Variants in FAM13A observed in about 807,000 individuals in gnomAD.
FAM13A encodes family with sequence similarity 13 member A.
In FAM13A, 76 loss-of-function variants were observed where a neutral mutation model predicts 129.6. The observed-to-expected ratio is 0.59, with a 90% confidence interval of 0.49 to 0.71. FAM13A has a LOEUF of 0.71. Ranked by LOEUF, FAM13A falls within the 30% of genes least tolerant of loss-of-function variation. The pLI, the probability that FAM13A is intolerant of heterozygous loss-of-function variation, is 0.00. For synonymous variants in FAM13A, 443 were observed against 449.9 expected, an observed-to-expected ratio of 0.98 and a Z score of 0.20; for missense variants, 1,108 against 1,249.3, an observed-to-expected ratio of 0.89 and a Z score of 1.70.
chr4:88,809,732 T>G (rs1361389436), intron 7 of FAM13A, among the ~76,000 whole-genome samples: 4 of 152,098 alleles, frequency 2.6e-5, no homozygotes, highest in Non-Finnish European at 5.9e-5. Context: ...CTTGAGCATT[T>G]TCAATTTATC....
intron 7 of FAM13A, among the ~76,000 whole-genome samples, chr4:88,840,230 C>T (rs1735586505): frequency 6.6e-6 from 1 of 152,090 alleles, no homozygotes; most frequent in Non-Finnish European, 1.5e-5. Flanking sequence ...AGTAGACTGA[C>T]CTTTGGATTT....
chr4:88,851,223 AAAT>A, intron 6 of FAM13A, 40 bp from the exon 7 acceptor site: 1 of 1,494,552 alleles, frequency 6.7e-7, no homozygotes, highest in South Asian at 1.4e-5. Flanking sequence ...AGAGCTAGAT[AAAT>A]GTTAAAGTCT....
At chr4:88,805,896 G>C (rs1403897224) in intron 7 of FAM13A, among the ~76,000 whole-genome samples, 1 of 151,666 alleles carries the variant, frequency 6.6e-6, no homozygotes, top group Non-Finnish European at 1.5e-5. Context: ...TTGAACTCCT[G>C]GGCTCAAGTG....
At chr4:88,949,201 T>C (rs1756501923) in intron 4 of FAM13A, among the ~76,000 whole-genome samples, 1 of 152,182 alleles carries the variant, frequency 6.6e-6, no homozygotes, top group Admixed American at 6.6e-5. Context: ...AAAAGCCTAA[T>C]AAGTAAATAA....
chr4:88,920,386 G>A (rs1233536599), intron 5 of FAM13A, among the ~76,000 whole-genome samples: 1 of 152,150 alleles, frequency 6.6e-6, no homozygotes, highest in African/African-American at 2.4e-5. Context: ...CAGCATTCGC[G>A]GTTCACGAAA....
chr4:88,767,992 G>T lies in FAM13A; in HGVS notation c.1526C>A (p.Ser509Tyr). The T allele has an allele frequency of 1.3e-6, 2 of 1,595,678 alleles. No individual in the cohort carries two copies. Among genetic ancestry groups the T allele is most frequent in the Non-Finnish European group, 1.7e-6 (2 of 1,163,590 alleles). ...ACAATTCTAAAATTACCTTTCATCA[G>T]ACATCCATTCAAAATCATCAGGTCC... ...RTGPDDFEWM[S>Y]DERKGNEKDG... Residue 509 changes from serine (S) to tyrosine (Y), a missense_variant, in exon 12 of 24, where the codon TCT (serine) becomes TAT (tyrosine). Ser to Tyr is a moderately radical substitution (Grantham distance 144). Transcript: ENST00000264344.
At chr4:89,019,282 A>G (rs1460173391) in intron 3 of FAM13A, among the ~76,000 whole-genome samples, 3 of 152,176 alleles carry the variant, frequency 2.0e-5, no homozygotes, top group Non-Finnish European at 2.9e-5. Flanking sequence ...CACTGCTGTA[A>G]AGGAATGTGG....
chr4:88,922,080 A>C (rs1207533572), intron 5 of FAM13A, among the ~76,000 whole-genome samples: 1 of 151,756 alleles, frequency 6.6e-6, no homozygotes, highest in Non-Finnish European at 1.5e-5. Flanking sequence ...AAAGAGACTT[A>C]GACTCCCACA....
chr4:88,903,587 T>C (rs1287808017), intron 6 of FAM13A, among the ~76,000 whole-genome samples: 1 of 152,188 alleles, frequency 6.6e-6, no homozygotes, highest in East Asian at 1.9e-4. Flanking sequence ...ACCCCTTCCT[T>C]ACACCTTATA....
At chr4:89,026,634 G>A (rs919547954) in intron 2 of FAM13A, among the ~76,000 whole-genome samples, 4 of 152,176 alleles carry the variant, frequency 2.6e-5, no homozygotes, top group Non-Finnish European at 4.4e-5. Context: ...AGTGCTGAGC[G>A]AACAGGGAAG....
chr4:88,825,655 A>G (rs1328190314), intron 7 of FAM13A, among the ~76,000 whole-genome samples: 4 of 152,228 alleles, frequency 2.6e-5, no homozygotes, highest in Admixed American at 6.5e-5. Context: ...TCAATAATAA[A>G]GGACCCAGCA....
At chr4:88,784,166 A>G (rs1027374212) in intron 10 of FAM13A, among the ~76,000 whole-genome samples, 1 of 152,134 alleles carries the variant, frequency 6.6e-6, no homozygotes, top group Non-Finnish European at 1.5e-5. Flanking sequence ...CCTCCGAGGG[A>G]AGTCTTTGCT....
At chr4:88,840,274 A>G (rs1178327324) in intron 7 of FAM13A, among the ~76,000 whole-genome samples, 2 of 152,254 alleles carry the variant, frequency 1.3e-5, no homozygotes, top group Non-Finnish European at 2.9e-5. Flanking sequence ...TAACAAGAAC[A>G]CATTAAGTGG....
intron 6 of FAM13A, 22 bp from the exon 7 acceptor site, chr4:88,851,205 G>T (rs1303321770): frequency 1.3e-6 from 2 of 1,534,052 alleles, no homozygotes; most frequent in Non-Finnish European, 1.8e-6. Context: ...AAAAAAGAGG[G>T]GTGGGGGAGA....
chr4:89,020,357 T>A, intron 3 of FAM13A, 103 bp downstream of exon 3: 2 of 672,810 alleles, frequency 3.0e-6, no homozygotes, highest in Non-Finnish European at 4.7e-6. Flanking sequence ...CTTCAAGCAA[T>A]CTTTCTACCT....
intron 20 of FAM13A, 35 bp downstream of exon 20, chr4:88,738,995 G>A (rs765090739): frequency 8.9e-6 from 12 of 1,343,936 alleles, no homozygotes; most frequent in Admixed American, 1.7e-5. Context: ...AAGCGGAAAG[G>A]TGTTGTACCA....
chr4:88,960,611 A>ATGAG (rs1758459229), intron 4 of FAM13A, among the ~76,000 whole-genome samples: 1 of 152,252 alleles, frequency 6.6e-6, no homozygotes, highest in Admixed American at 6.5e-5. Flanking sequence ...AAGCACTCTC[A>ATGAG]GCAAGAGGAG....
chr4:88,846,708 C>T (rs1736699933), intron 7 of FAM13A, among the ~76,000 whole-genome samples: 1 of 152,182 alleles, frequency 6.6e-6, no homozygotes. Context: ...ATAAAACCCA[C>T]CTATTTCTAC....
chr4:88,936,796 A>G (rs1753924705), intron 5 of FAM13A: 1 of 152,208 alleles, frequency 6.6e-6, no homozygotes. Flanking sequence ...AAAGATTTTT[A>G]AAATATTTTA....
Sources: gnomAD v4.1 joint callset for allele counts (sites outside exome capture counted in the v4.1 genomes callset) on GRCh38, gnomAD v4.1.1 for gene constraint, MANE v1.5 for transcripts, NCBI Gene and HGNC (gene_info 2026-07-23, HGNC 2026-07-21) for gene names.